Variants in TFPT observed in about 807,000 individuals in gnomAD.
TFPT encodes the protein INO80 complex subunit F.
In TFPT, 27 loss-of-function variants were observed where a neutral mutation model predicts 28.8. The observed-to-expected ratio is 0.94, with a 90% CI of 0.69 to 1.29. The LOEUF is 1.29. Among genes scored for constraint, TFPT ranks in the 50% most tolerant of loss-of-function variants. The pLI, the probability that TFPT is intolerant of heterozygous loss-of-function variation, is 0.00. For missense variants in TFPT, 330 were observed against 338.0 expected, an observed-to-expected ratio of 0.98 and a Z score of 0.19; for synonymous variants, 152 against 142.8, an observed-to-expected ratio of 1.06 and a Z score of -0.46.
At position 54,108,436 on chromosome 19, in the gene TFPT, C is replaced by T. The variant is rs143468418; in HGVS notation, c.354-41G>A. Reference sequence around the variant, plus strand: ...AGCCACCAACGGAATAACTTATCTCCTAGCGGCTGGGGAAAAGGGCCACAG... The same window carrying T: ...AGCCACCAACGGAATAACTTATCTCTTAGCGGCTGGGGAAAAGGGCCACAG... On this transcript the variant is annotated intron_variant, in intron 3 of 5. Transcript: ENST00000391759. The T allele has an allele frequency of 1.4e-4, 228 of 1,614,004 alleles. 3 individuals carry two copies. The East Asian group carries it at 5.0e-3, about 36-fold the overall frequency.
chr19:54,113,055 T>C (rs1194583348), intron 2 of TFPT, among the ~76,000 whole-genome samples: 1 of 127,260 alleles, frequency 7.9e-6, no homozygotes, highest in Non-Finnish European at 1.5e-5. Context: ...ATGGTGCCAT[T>C]GCACTCCAGC....
At chr19:54,115,048 C>G in intron 1 of TFPT, 199 bp downstream of exon 1, 2 of 808,656 alleles carry the variant, frequency 2.5e-6, no homozygotes, top group Non-Finnish European at 3.9e-6. Flanking sequence ...ACCTCCTAGT[C>G]TGTCAGATCC....
At chr19:54,111,308 C>T (rs895859885) in intron 2 of TFPT, among the ~76,000 whole-genome samples, 1 of 151,904 alleles carries the variant, frequency 6.6e-6, no homozygotes. Flanking sequence ...TTTGGGAGGC[C>T]GGGGCGGGCA....
chr19:54,110,072 C>T lies in TFPT; in HGVS notation c.332G>A (p.Arg111Gln), dbSNP rs375419473. ...TTACCTCCGTTCCTGCTGCAGCCTC[C>T]GAGTTATCCTCTGCACCTGATGGAG... ...NRLHQVQRIT[R>Q]RLQQERRFLM... The change falls in exon 3 of 6, where the codon CGG (arginine) becomes CAG (glutamine). Residue 111 changes from arginine (R) to glutamine (Q), a missense_variant. Transcript: ENST00000391759. The T allele has an allele frequency of 1.1e-5, 17 of 1,614,176 alleles. No individual in the cohort carries two copies. Among genetic ancestry groups the T allele is most frequent in the East Asian group, 2.2e-5 (1 of 44,884 alleles).
rs1443447059 is a variant in TFPT, at chr19:54,108,343, A to G, written c.406T>C (p.Phe136Leu). 6.2e-7 allele frequency: 1 copy of G among 1,608,436 alleles called. No individual in the cohort carries two copies. Among genetic ancestry groups the G allele is most frequent in the Non-Finnish European group, 8.5e-7 (1 of 1,177,258 alleles). The change falls in exon 4 of 6, where the codon TTC (phenylalanine) becomes CTC (leucine). Residue 136 changes from phenylalanine (F) to leucine (L), a missense_variant. By Grantham distance (22) the Phe-to-Leu change is conservative. Coordinates refer to ENST00000391759, the MANE Select transcript of TFPT (RefSeq NM_013342.4). ...ACACTCACCTCCAGCACAATGGTGA[A>G]CTGGCTGGCCCGGTAGTCATCCCCG... ...SYGDDYRASQ[F>L]TIVLEDEGSQ... is the part of the protein sequence containing the mutation.
At chr19:54,113,014 A>C (rs587734144) in intron 2 of TFPT, among the ~76,000 whole-genome samples, 2 of 144,176 alleles carry the variant, frequency 1.4e-5, no homozygotes, top group East Asian at 4.2e-4. Flanking sequence ...AATCACTTGA[A>C]CCCAGGAGGT....
At chr19:54,108,282 C>G (rs1198906726) in intron 4 of TFPT, 38 bp from the exon 5 acceptor site, 1 of 1,575,368 alleles carries the variant, frequency 6.3e-7, no homozygotes, top group South Asian at 1.1e-5. Flanking sequence ...ATGGGTGGGT[C>G]CTGAGCTCCC....
intron 2 of TFPT, among the ~76,000 whole-genome samples, chr19:54,111,693 A>C (rs1295655529): frequency 6.8e-6 from 1 of 147,814 alleles, no homozygotes; most frequent in Non-Finnish European, 1.5e-5. Flanking sequence ...AGAAAAAAAA[A>C]AAAAAAAAGT....
intron 3 of TFPT, chr19:54,108,765 G>A: frequency 1.4e-6 from 1 of 702,006 alleles, no homozygotes; most frequent in Non-Finnish European, 2.3e-6. Context: ...AGAGAGGGGA[G>A]TACAGAACGC....
intron 2 of TFPT, among the ~76,000 whole-genome samples, chr19:54,110,689 G>A (rs112123013): frequency 7.9e-5 from 12 of 151,754 alleles, no homozygotes; most frequent in African/African-American, 2.9e-4. Flanking sequence ...GCAACAGAGC[G>A]AGGTTCTGTT....
intron 3 of TFPT, among the ~76,000 whole-genome samples, chr19:54,109,835 C>CCCTCAGTCCCAGCGCACAGCCCCT (rs2073396530): frequency 2.0e-5 from 2 of 101,638 alleles, no homozygotes; most frequent in African/African-American, 4.1e-5. Context: ...GCTCAGCCCT[C>CCCTCAGTCCCAGCGCACAGCCCCT]TCCACCCGGC....
chr19:54,115,289 C>G lies in TFPT; in HGVS notation c.-20G>C. 1 of 1,614,044 alleles carries G rather than the reference C, an allele frequency of 6.2e-7. No homozygotes were observed. On this transcript the variant is annotated 5_prime_UTR_variant, in exon 1 of 6. Transcript: ENST00000391759. ...TTCCATCTCCGCGACCTCCGGAAGC[C>G]CCGGGCCTCAGAGCTTCCGACCTCT...
At position 54,115,468 on chromosome 19, in the gene TFPT, T is replaced by G. The variant is rs1443513143; in HGVS notation, c.-199A>C. ...CCCCACGTCCACCCCGAATCCCTGC[T>G]TAAAGGCCTTGCTTTCTTGTCTAAC... On this transcript the variant is annotated 5_prime_UTR_variant, in exon 1 of 6. Coordinates refer to ENST00000391759, the MANE Select transcript of TFPT (RefSeq NM_013342.4). 1 of 654,836 alleles carries G rather than the reference T, an allele frequency of 1.5e-6. No homozygotes were observed. Among genetic ancestry groups the G allele is most frequent in the Non-Finnish European group, 2.6e-6 (1 of 382,572 alleles). 40.6% of individuals were successfully genotyped at this position (654,836 alleles called of 1,614,324 possible). A position where few individuals can be genotyped will look rare whatever the true frequency, so the allele number is the denominator to read the frequency against.
intron 2 of TFPT, 42 bp from the exon 3 acceptor site, chr19:54,110,163 C>T (rs779612459): frequency 6.2e-7 from 1 of 1,607,194 alleles, no homozygotes; most frequent in South Asian, 1.1e-5. Context: ...CCCACGGCTC[C>T]CGTTCATTTG....
intron 5 of TFPT, chr19:54,107,699 C>T (rs1172316449): frequency 2.6e-6 from 1 of 379,342 alleles, no homozygotes; most frequent in African/African-American, 2.1e-5. Flanking sequence ...CTTCCTTCTC[C>T]TCTACTCCCA....
At chr19:54,109,878 C>CCCTCAGTCCCAGTGCT (rs1600297013) in intron 3 of TFPT, among the ~76,000 whole-genome samples, 173 bp downstream of exon 3, 20 of 150,706 alleles carry the variant, frequency 1.3e-4, no homozygotes, top group Middle Eastern at 3.4e-3. Context: ...GCCCTCTCCT[C>CCCTCAGTCCCAGTGCT]CAACACCGAA....
intron 2 of TFPT, among the ~76,000 whole-genome samples, chr19:54,111,921 A>G (rs1488537835): frequency 6.6e-6 from 1 of 152,044 alleles, no homozygotes; most frequent in East Asian, 1.9e-4. Flanking sequence ...CGGAGGTTGC[A>G]GTGAGCTGAG....
intron 2 of TFPT, among the ~76,000 whole-genome samples, chr19:54,110,643 A>G (rs1233400667): frequency 6.6e-6 from 1 of 151,890 alleles, no homozygotes; most frequent in Non-Finnish European, 1.5e-5. Context: ...GGAGGGGTGA[A>G]GTGAGTTGAG....
chr19:54,113,774 C>T (rs2073525152), intron 2 of TFPT, among the ~76,000 whole-genome samples: 1 of 152,232 alleles, frequency 6.6e-6, no homozygotes, highest in Non-Finnish European at 1.5e-5. Flanking sequence ...TCACTGCAAC[C>T]TCCGCCTTCC....
Sources: gnomAD v4.1 joint callset for allele counts (sites outside exome capture counted in the v4.1 genomes callset) on GRCh38, gnomAD v4.1.1 for gene constraint, MANE v1.5 for transcripts, NCBI Gene and HGNC (gene_info 2026-07-23, HGNC 2026-07-21) for gene names.